Variants in PRKN observed in about 807,000 individuals in gnomAD.
PRKN encodes the protein E3 ubiquitin-protein ligase parkin.
Under a neutral mutation model 59.5 loss-of-function variants are expected in PRKN, and 56 were observed. The observed-to-expected ratio is 0.94, with a 90% CI of 0.76 to 1.18. The LOEUF (loss-of-function observed/expected upper bound fraction) is 1.18. PRKN is among the 50% of genes most tolerant of loss of function. PRKN has a pLI of 0.00. For synonymous variants in PRKN, 250 were observed against 222.1 expected, an observed-to-expected ratio of 1.13 and a Z score of -1.12; for missense variants, 657 against 596.4, an observed-to-expected ratio of 1.10 and a Z score of -1.06.
intron 6 of PRKN, among the ~76,000 whole-genome samples, chr6:161,893,382 T>C (rs1216986803): frequency 6.6e-6 from 1 of 152,182 alleles, no homozygotes. Context: ...TCACACGCCA[T>C]GAAGTTGAGT....
chr6:162,071,177 C>G (rs1778560814), intron 4 of PRKN, among the ~76,000 whole-genome samples: 1 of 151,078 alleles, frequency 6.6e-6, no homozygotes, highest in Non-Finnish European at 1.5e-5. Context: ...CCCTTGAGCA[C>G]TGCCACCCTT....
chr6:161,866,629 T>C (rs1254475083), intron 6 of PRKN, among the ~76,000 whole-genome samples: 2 of 151,960 alleles, frequency 1.3e-5, no homozygotes, highest in Non-Finnish European at 2.9e-5. Flanking sequence ...GACACACAAA[T>C]GAGCACAGGC....
At chr6:161,477,900 C>T (rs1376977030) in intron 9 of PRKN, among the ~76,000 whole-genome samples, 2 of 152,164 alleles carry the variant, frequency 1.3e-5, no homozygotes, top group East Asian at 3.9e-4. Flanking sequence ...AAGATGGCGA[C>T]CAGTCTCCGA....
chr6:162,516,778 G>GAAAGA (rs1315189907), intron 1 of PRKN, among the ~76,000 whole-genome samples: 4 of 142,434 alleles, frequency 2.8e-5, no homozygotes, highest in African/African-American at 1.0e-4. Flanking sequence ...AAAAAAAAAA[G>GAAAGA]AAAGAAAAGA....
Position 162,726,806 on chromosome 6 carries a change from T to C in PRKN, c.7+856A>G, listed in dbSNP as rs527247297. The stretch of plus-strand genomic sequence containing the variant: ...TAACCTGGAGAAACCTCCACAATAA[T>C]GAAACCCCATCTAGCACTGTTTTTC... On this transcript the variant is annotated intron_variant, in intron 1 of 11. Transcript: ENST00000366898. Among the ~76,000 whole-genome samples the C allele has an allele frequency of 7.2e-5, 11 of 152,268 alleles. No individual in the cohort carries two copies. The East Asian group carries it at 1.9e-3, about 27-fold the overall frequency.
Position 161,552,182 on chromosome 6 carries a change from T to G in PRKN, c.934-3179A>C, listed in dbSNP as rs1479862383. Among the ~76,000 whole-genome samples the G allele has an allele frequency of 6.6e-6, 1 of 152,164 alleles. No homozygotes were observed. On this transcript the variant is annotated intron_variant, in intron 8 of 11. Coordinates refer to ENST00000366898, the MANE Select transcript of PRKN (RefSeq NM_004562.3). The surrounding 1 kb of genome is among the most constrained non-coding windows in gnomAD (Gnocchi z 4.9). ...CCAACACTGAGCTGCAAAGGCAAAG[T>G]AGAAAGAATGGTGGATTTAAGTTTG...
chr6:161,959,381 T>G (rs1780299361), intron 6 of PRKN, among the ~76,000 whole-genome samples: 1 of 152,152 alleles, frequency 6.6e-6, no homozygotes. Flanking sequence ...CACCAACTTC[T>G]GCCTCAATTT....
chr6:161,552,451 T>A lies in PRKN; in HGVS notation c.934-3448A>T. On this transcript the variant is annotated intron_variant, in intron 8 of 11. Coordinates refer to ENST00000366898, the MANE Select transcript of PRKN (RefSeq NM_004562.3). This position sits in a 1 kb window ranked among gnomAD's most constrained non-coding sequence, Gnocchi z 4.9. Reference sequence around the variant, plus strand: ...TCCAAGCCTCTCTCCCTCAGCTCTGTTCACCTCCGCCTATGACTGTGAATG... The same window carrying A: ...TCCAAGCCTCTCTCCCTCAGCTCTGATCACCTCCGCCTATGACTGTGAATG... 2.1e-5 allele frequency among the ~76,000 whole-genome samples: 1 copy of A among 48,716 alleles called. No individual in the cohort carries two copies. The highest frequency in any genetic ancestry group is 5.9e-4 in the South Asian group (1 of 1,686). 32.0% of individuals were successfully genotyped at this position (48,716 alleles called of 152,430 possible). A position where few individuals can be genotyped will look rare whatever the true frequency, so the allele number is the denominator to read the frequency against.
At chr6:162,214,317 C>T (rs911674200) in intron 3 of PRKN, among the ~76,000 whole-genome samples, 4 of 152,120 alleles carry the variant, frequency 2.6e-5, no homozygotes, top group Admixed American at 1.3e-4. Flanking sequence ...GCAGCAGAAT[C>T]GTGGTTTCCC....
chr6:162,526,705 A>C (rs1778300948), intron 1 of PRKN, among the ~76,000 whole-genome samples: 1 of 152,186 alleles, frequency 6.6e-6, no homozygotes, highest in African/African-American at 2.4e-5. Flanking sequence ...GCCTGGTAGA[A>C]GATAGCTAGA....
In PRKN at chr6:161,529,141, G is replaced by A. The variant is rs1779112515; in HGVS notation, c.1083+19713C>T. ...ACTCTACGCTGCGTTCCTCTCCCTA[G>A]TCACCGCATGCCTTCCTGTTCCAGT... On this transcript the variant is annotated intron_variant, in intron 9 of 11. Coordinates refer to ENST00000366898, the MANE Select transcript of PRKN (RefSeq NM_004562.3). The surrounding 1 kb of genome is among the most constrained non-coding windows in gnomAD (Gnocchi z 4.4). Among the ~76,000 whole-genome samples, 1 of 152,158 alleles carries A rather than the reference G, an allele frequency of 6.6e-6. No homozygotes were observed. Among genetic ancestry groups the A allele is most frequent in the Non-Finnish European group, 1.5e-5 (1 of 68,026 alleles).
intron 1 of PRKN, among the ~76,000 whole-genome samples, chr6:162,446,200 A>G (rs1790310711): frequency 6.6e-6 from 1 of 152,198 alleles, no homozygotes; most frequent in African/African-American, 2.4e-5. Flanking sequence ...ATTCATCAGA[A>G]AAGACACATG....
intron 4 of PRKN, among the ~76,000 whole-genome samples, chr6:162,074,591 G>A (rs1400284270): frequency 6.8e-6 from 1 of 147,072 alleles, no homozygotes; most frequent in Non-Finnish European, 1.5e-5. Context: ...TAACTAACCT[G>A]CACAATGTGC....
intron 5 of PRKN, among the ~76,000 whole-genome samples, chr6:162,053,179 G>A (rs1370865155): frequency 1.3e-5 from 2 of 152,126 alleles, no homozygotes; most frequent in Admixed American, 1.3e-4. Flanking sequence ...GTTGCCCACT[G>A]CCATCCTGGT....
At chr6:161,531,348 T>A (rs191887498) in intron 9 of PRKN, among the ~76,000 whole-genome samples, 1,749 of 147,080 alleles carry the variant, frequency 0.012, 18 homozygotes, top group Middle Eastern at 0.032. Flanking sequence ...GCCACTGCAC[T>A]CCAGCCTGGA....
At chr6:161,681,352 C>A (rs1200236495) in intron 7 of PRKN, among the ~76,000 whole-genome samples, 1 of 152,082 alleles carries the variant, frequency 6.6e-6, no homozygotes, top group Admixed American at 6.5e-5. Context: ...TTTGGAATTT[C>A]TTCTCATGAT....
At chr6:162,627,859 G>A (rs1782956265) in intron 1 of PRKN, among the ~76,000 whole-genome samples, 1 of 152,090 alleles carries the variant, frequency 6.6e-6, no homozygotes. Context: ...TTGTAGTTGA[G>A]GCCAGGTCAA....
chr6:161,528,404 T>C (rs946473093), intron 9 of PRKN, among the ~76,000 whole-genome samples: 8 of 152,094 alleles, frequency 5.3e-5, no homozygotes, highest in Admixed American at 5.2e-4. Context: ...GCCTTAACCC[T>C]TTTGGAGAGG....
chr6:161,589,967 T>C (rs1781659175), intron 7 of PRKN, among the ~76,000 whole-genome samples: 1 of 151,378 alleles, frequency 6.6e-6, no homozygotes, highest in African/African-American at 2.4e-5. Context: ...TTTTGTATTT[T>C]TACTAGAGAC....
Sources: gnomAD v4.1 joint callset for allele counts (sites outside exome capture counted in the v4.1 genomes callset) on GRCh38, gnomAD v4.1.1 for gene constraint, Gnocchi (gnomAD v3.1) non-coding constraint, MANE v1.5 for transcripts, NCBI Gene and HGNC (gene_info 2026-07-23, HGNC 2026-07-21) for gene names.